DENND1B: variants seen among roughly 807,000 people sequenced by gnomAD.
DENND1B encodes DENN domain-containing protein 1B.
Under a neutral mutation model 90.1 loss-of-function variants are expected in DENND1B, and 59 were observed. The ratio of observed to expected loss-of-function variants is 0.65; its 90% CI spans 0.53 to 0.81. The LOEUF is 0.81. DENND1B is among the 40% of genes least tolerant of loss of function. The pLI is 0.00. For missense variants in DENND1B, 862 were observed against 912.6 expected (o/e 0.94, Z 0.71); for synonymous variants, 337 against 324.6 (o/e 1.04, Z -0.41).
chr1:197,667,636 T>TA (rs1230872393), intron 5 of DENND1B, among the ~76,000 whole-genome samples: 3 of 151,996 alleles, frequency 2.0e-5, no homozygotes, highest in Non-Finnish European at 2.9e-5. Flanking sequence ...CTTGACCTCG[T>TA]AATCCGCCCG....
intron 3 of DENND1B, among the ~76,000 whole-genome samples, chr1:197,704,065 G>A (rs973613657): frequency 1.3e-5 from 2 of 152,064 alleles, no homozygotes; most frequent in African/African-American, 4.8e-5. Flanking sequence ...GCAATAGGGT[G>A]AGACCCCATC....
chr1:197,630,555 T>G (rs1679236882), intron 10 of DENND1B, among the ~76,000 whole-genome samples: 2 of 152,128 alleles, frequency 1.3e-5, no homozygotes. Flanking sequence ...CCATAGTTGA[T>G]GGTAAATTCT....
At chr1:197,564,801 T>G (rs1367701184) in intron 15 of DENND1B, among the ~76,000 whole-genome samples, 1 of 151,996 alleles carries the variant, frequency 6.6e-6, no homozygotes, top group Admixed American at 6.6e-5. Context: ...TATGCATGTT[T>G]AACAGGCTCT....
rs756072671 is a variant in DENND1B, at chr1:197,512,875, T to C, written c.1594A>G (p.Ser532Gly). Reference protein sequence around the residue: ...DEDDDDIERASKLSSEDGEEA... With the variant: ...DEDDDDIERAGKLSSEDGEEA... ...ACACCAAAATCCATTACTTACTTGCTTGCTCTTTCAATGTCATCATCATCT... is the reference window on the plus strand; with the variant it reads ...ACACCAAAATCCATTACTTACTTGCCTGCTCTTTCAATGTCATCATCATCT... Residue 532 changes from serine to glycine, a missense_variant, in exon 21 of 23, where the codon AGC (serine) becomes GGC (glycine). Transcript: ENST00000620048. The C allele has an allele frequency of 4.3e-5, 69 of 1,610,014 alleles. No homozygotes were observed. In the Middle Eastern group the frequency reaches 5.0e-4, roughly 12 times the overall value.
At chr1:197,571,728 C>T (rs1172202056) in intron 15 of DENND1B, among the ~76,000 whole-genome samples, 1 of 151,954 alleles carries the variant, frequency 6.6e-6, no homozygotes, top group Non-Finnish European at 1.5e-5. Context: ...GCACCTGACA[C>T]AAAATAAATA....
intron 6 of DENND1B, among the ~76,000 whole-genome samples, chr1:197,654,348 C>T (rs1009279379): frequency 6.6e-6 from 1 of 152,066 alleles, no homozygotes; most frequent in African/African-American, 2.4e-5. Context: ...TGGTGGCTCC[C>T]GCCTGTAATC....
At chr1:197,572,986 T>A (rs1299382714) in intron 15 of DENND1B, among the ~76,000 whole-genome samples, 1 of 152,172 alleles carries the variant, frequency 6.6e-6, no homozygotes, top group East Asian at 1.9e-4. Flanking sequence ...GGTGGTGATA[T>A]CCCCTTTATC....
At chr1:197,616,578 A>G (rs1366963591) in intron 11 of DENND1B, among the ~76,000 whole-genome samples, 1 of 151,078 alleles carries the variant, frequency 6.6e-6, no homozygotes, top group African/African-American at 2.4e-5. Flanking sequence ...TATTAACGTA[A>G]TCAATATGTG....
At chr1:197,575,106 C>A (rs568752044) in intron 15 of DENND1B, among the ~76,000 whole-genome samples, 1 of 152,158 alleles carries the variant, frequency 6.6e-6, no homozygotes, top group African/African-American at 2.4e-5. Flanking sequence ...AATTCAACTA[C>A]ACAGCTTCCG....
chr1:197,641,953 AAT>A (rs1680305654), intron 10 of DENND1B, among the ~76,000 whole-genome samples: 1 of 152,092 alleles, frequency 6.6e-6, no homozygotes, highest in Admixed American at 6.5e-5. Context: ...AATATTGAAT[AAT>A]AGTTTTTGCT....
In DENND1B at chr1:197,607,125, G is replaced by A; in HGVS notation, c.869C>T (p.Thr290Ile). The change falls in exon 13 of 23, where the codon ACA (threonine) becomes ATA (isoleucine). Residue 290 changes from threonine to isoleucine, a missense_variant. Transcript: ENST00000620048. ...ACTAAATGGTGATTCTAATGTGTTT[G>A]TATCAACATTTAACATAACAACATC... is the stretch of plus-strand genomic sequence containing the variant. ...LEDVVMLNVDTNTLESPFSDL... is the reference protein window; with the variant it reads ...LEDVVMLNVDINTLESPFSDL... 1 of 1,604,746 alleles carries A rather than the reference G, an allele frequency of 6.2e-7. No individual in the cohort carries two copies.
At chr1:197,692,560 T>C (rs373201738) in intron 3 of DENND1B, among the ~76,000 whole-genome samples, 147 of 151,958 alleles carry the variant, frequency 9.7e-4, no homozygotes, top group African/African-American at 3.3e-3. Context: ...ATTGGAGTTA[T>C]CTGATGTTAA....
chr1:197,551,749 C>T (rs1343514262), intron 16 of DENND1B, among the ~76,000 whole-genome samples: 1 of 152,048 alleles, frequency 6.6e-6, no homozygotes, highest in African/African-American at 2.4e-5. Context: ...GAATAGATGC[C>T]TTAAGCAACT....
chr1:197,534,638 T>C (rs1047970804), intron 20 of DENND1B, among the ~76,000 whole-genome samples: 2 of 152,232 alleles, frequency 1.3e-5, no homozygotes, highest in Non-Finnish European at 1.5e-5. Flanking sequence ...ACATTTTCTC[T>C]GCCTTAAAAC....
At chr1:197,780,479 T>TCC (rs1345134171), upstream of DENND1B, among the ~76,000 whole-genome samples, 1 of 151,850 alleles carries the variant, frequency 6.6e-6, no homozygotes, top group Non-Finnish European at 1.5e-5. Flanking sequence ...GCACCTGCCA[T>TCC]CACGCCTAGC....
intron 10 of DENND1B, among the ~76,000 whole-genome samples, chr1:197,632,898 G>T (rs1679459069): frequency 6.6e-6 from 1 of 152,118 alleles, no homozygotes; most frequent in South Asian, 2.1e-4. Context: ...CTACATAATA[G>T]TTTGGCAAAG....
At chr1:197,731,665 T>C (rs919709249) in intron 2 of DENND1B, among the ~76,000 whole-genome samples, 10 of 152,094 alleles carry the variant, frequency 6.6e-5, no homozygotes, top group African/African-American at 2.2e-4. Context: ...AGGAGAATCA[T>C]CTCAGGCCCC....
At chr1:197,528,824 C>T (rs574262149) in intron 20 of DENND1B, among the ~76,000 whole-genome samples, 2 of 148,768 alleles carry the variant, frequency 1.3e-5, no homozygotes, top group African/African-American at 2.5e-5. Flanking sequence ...CCCGCCACTG[C>T]ACTCCAGCCT....
chr1:197,737,355 C>T (rs1388749585), intron 2 of DENND1B, among the ~76,000 whole-genome samples: 1 of 152,192 alleles, frequency 6.6e-6, no homozygotes, highest in Non-Finnish European at 1.5e-5. Context: ...CTCCCACCTC[C>T]ATCCTTAAAA....
Sources: gnomAD v4.1 joint callset for allele counts (sites outside exome capture counted in the v4.1 genomes callset) on GRCh38, gnomAD v4.1.1 for gene constraint, MANE v1.5 for transcripts, NCBI Gene and HGNC (gene_info 2026-07-23, HGNC 2026-07-21) for gene names.